The following MSH4 variants were observed in gnomAD, a reference collection of about 807,000 sequenced individuals.
The protein encoded by MSH4 is mutS protein homolog 4.
In MSH4, 106 loss-of-function variants were observed where a neutral mutation model predicts 113.7. That is an observed-to-expected ratio of 0.93 (90% CI 0.80 to 1.10). The LOEUF is 1.10. Among genes scored for constraint, MSH4 ranks in the 50% least tolerant of loss-of-function variants. MSH4 has a pLI of 0.00. For missense variants in MSH4, 1,061 were observed against 1,093.7 expected (o/e 0.97, Z 0.42); for synonymous variants, 368 against 380.2 (o/e 0.97, Z 0.37).
intron 10 of MSH4, among the ~76,000 whole-genome samples, chr1:75,877,404 A>G (rs1360947663): frequency 6.6e-6 from 1 of 152,178 alleles, no homozygotes; most frequent in African/African-American, 2.4e-5. Context: ...TAATTTTAAC[A>G]GTATTAAATT....
intron 17 of MSH4, among the ~76,000 whole-genome samples, chr1:75,892,910 A>G (rs1253886371): frequency 3.9e-5 from 6 of 152,170 alleles, no homozygotes; most frequent in Admixed American, 3.9e-4. Flanking sequence ...ATGGGAAAAA[A>G]GCCTCTTTAT....
At chr1:75,879,962 C>T (rs2100571493) in intron 12 of MSH4, 88 bp from the exon 13 acceptor site, 1 of 679,078 alleles carries the variant, frequency 1.5e-6, no homozygotes, top group Non-Finnish European at 2.6e-6. Context: ...AATGATTAAC[C>T]TAAATACCCA....
Position 75,899,681 on chromosome 1 carries a change from C to T in MSH4, c.2594C>T (p.Thr865Ile), listed in dbSNP as rs1652467058. The change falls in exon 19 of 20, where the codon ACA becomes ATA. Residue 865 changes from threonine (T) to isoleucine (I), a missense_variant. By Grantham distance (89) the Thr-to-Ile change is moderately conservative. Coordinates refer to ENST00000263187, the MANE Select transcript of MSH4 (RefSeq NM_002440.4). The stretch of plus-strand genomic sequence containing the variant: ...ATTGTCTTGGATGCCAAGGAAATCA[C>T]AACTCAAATTACGAGACAAATTTTG... ...PSIVLDAKEITTQITRQILQN... is the reference protein window; with the variant it reads ...PSIVLDAKEIITQITRQILQN... 1 of 1,504,424 alleles carries T rather than the reference C, an allele frequency of 6.6e-7. No homozygotes were observed. The highest frequency in any genetic ancestry group is 8.8e-7 in the Non-Finnish European group (1 of 1,134,134). The allele number at this position is 1,504,424 out of a possible 1,614,324, so 93.2% of individuals were successfully genotyped here. A position where few individuals can be genotyped will look rare whatever the true frequency, so the allele number is the denominator to read the frequency against.
chr1:75,858,972 T>G (rs1651386483), intron 8 of MSH4, among the ~76,000 whole-genome samples: 1 of 152,202 alleles, frequency 6.6e-6, no homozygotes, highest in Non-Finnish European at 1.5e-5. Flanking sequence ...GAGATTTACC[T>G]TCTTCCTGGT....
At chr1:75,868,204 G>A (rs1311818614) in intron 9 of MSH4, among the ~76,000 whole-genome samples, 1 of 152,014 alleles carries the variant, frequency 6.6e-6, no homozygotes, top group Admixed American at 6.6e-5. Flanking sequence ...CCTTTTTAGT[G>A]CATCACATCA....
intron 13 of MSH4, 138 bp from the exon 14 acceptor site, chr1:75,881,108 A>G (rs1210029239): frequency 5.0e-6 from 3 of 595,092 alleles, no homozygotes; most frequent in Middle Eastern, 4.7e-4. Context: ...CAGATGAACA[A>G]TAGGCTTTAT....
chr1:75,819,305 C>T (rs951410842), intron 6 of MSH4, among the ~76,000 whole-genome samples: 1 of 152,056 alleles, frequency 6.6e-6, no homozygotes, highest in African/African-American at 2.4e-5. Context: ...CCAGCCTGGT[C>T]GCCATGGTGA....
Position 75,810,677 on chromosome 1 carries a change from G to T in MSH4, c.589-20G>T. 2 of 1,130,602 alleles carry T rather than the reference G, an allele frequency of 1.8e-6. No homozygotes were observed. The highest frequency in any genetic ancestry group is 1.6e-5 in the African/African-American group (1 of 61,782). The allele number at this position is 1,130,602 out of a possible 1,614,324, so 70.0% of individuals were successfully genotyped here. A position where few individuals can be genotyped will look rare whatever the true frequency, so the allele number is the denominator to read the frequency against. ...TTTCCTAAGCTTTATTTAAGAAATT[G>T]TTTATTCAAATGATTTCAGGTGATC... On this transcript the variant is annotated intron_variant, in intron 3 of 19. Transcript: ENST00000263187.
At chr1:75,843,781 G>A (rs1299813211) in intron 7 of MSH4, among the ~76,000 whole-genome samples, 6 of 151,896 alleles carry the variant, frequency 4.0e-5, no homozygotes, top group Non-Finnish European at 7.4e-5. Context: ...TGAACAGGTA[G>A]CAGGTAAAAT....
rs1650622449 is a variant in MSH4 at position 75,829,056 on chromosome 1, A to G, written c.1162+6475A>G. 3.9e-5 allele frequency among the ~76,000 whole-genome samples: 6 copies of G among 152,206 alleles called. No homozygotes were observed. In the South Asian group the frequency reaches 1.2e-3, roughly 32 times the overall value. On this transcript the variant is annotated intron_variant, in intron 7 of 19. Transcript: ENST00000263187. ...CCAGCAAAGGGAAGCCATGACAGAC[A>G]GTACCTGGAAAATTGGGACACTCCC... is the stretch of plus-strand genomic sequence containing the variant.
intron 7 of MSH4, among the ~76,000 whole-genome samples, chr1:75,847,549 G>A (rs1046580667): frequency 4.6e-5 from 7 of 152,146 alleles, no homozygotes; most frequent in Non-Finnish European, 8.8e-5. Context: ...GAATACCTGA[G>A]GCTGGGTAAT....
chr1:75,798,283 C>T (rs1649862686), intron 1 of MSH4, among the ~76,000 whole-genome samples: 1 of 152,060 alleles, frequency 6.6e-6, no homozygotes, highest in Admixed American at 6.5e-5. Context: ...CTTGACTGGT[C>T]TTCTCTTAAA....
At chr1:75,857,476 G>A (rs914326995) in intron 8 of MSH4, among the ~76,000 whole-genome samples, 12 of 152,118 alleles carry the variant, frequency 7.9e-5, no homozygotes, top group African/African-American at 2.4e-4. Context: ...AAGGTGTAAC[G>A]AAGGGGTCTA....
At chr1:75,883,568 C>A (rs975415437) in intron 14 of MSH4, 53 bp from the exon 15 acceptor site, 1 of 1,427,892 alleles carries the variant, frequency 7.0e-7, no homozygotes, top group Non-Finnish European at 9.6e-7. Context: ...ACTACAAAAT[C>A]TTTAGACACA....
chr1:75,829,172 G>A (rs1168917055), intron 7 of MSH4, among the ~76,000 whole-genome samples: 1 of 152,198 alleles, frequency 6.6e-6, no homozygotes, highest in Non-Finnish European at 1.5e-5. Context: ...CACGTCCATG[G>A]AGCCTCGCTC....
intron 2 of MSH4, 27 bp from the exon 3 acceptor site, chr1:75,806,954 A>G: frequency 6.5e-7 from 1 of 1,530,186 alleles, no homozygotes; most frequent in Non-Finnish European, 8.7e-7. Flanking sequence ...CAATGTTTAT[A>G]TCTTTTCTTT....
rs186762776 is a variant in MSH4, at chr1:75,838,915, G to T, written c.1163-9294G>T. Among the ~76,000 whole-genome samples the T allele has an allele frequency of 9.1e-3, 1,391 of 152,200 alleles. 10 individuals carry two copies. The highest frequency in any genetic ancestry group is 0.02 in the Middle Eastern group (6 of 294). On this transcript the variant is annotated intron_variant, in intron 7 of 19. Transcript: ENST00000263187. ...GCATCTTTAATACATGTTTCCTGTAGTATCTTGTTATGATGACACTTATTT... is the reference window on the plus strand; with the variant it reads ...GCATCTTTAATACATGTTTCCTGTATTATCTTGTTATGATGACACTTATTT...
chr1:75,832,820 G>A (rs780223946), intron 7 of MSH4, among the ~76,000 whole-genome samples: 2 of 152,062 alleles, frequency 1.3e-5, no homozygotes, highest in Non-Finnish European at 2.9e-5. Flanking sequence ...CACACCCACA[G>A]CCAATATCAT....
intron 8 of MSH4, 53 bp from the exon 9 acceptor site, chr1:75,867,461 G>T: frequency 1.0e-6 from 1 of 955,354 alleles, no homozygotes; most frequent in Non-Finnish European, 1.7e-6. Context: ...AAAACCCATT[G>T]TTCTATTAAA....
Sources: gnomAD v4.1 joint callset for allele counts (sites outside exome capture counted in the v4.1 genomes callset) on GRCh38, gnomAD v4.1.1 for gene constraint, MANE v1.5 for transcripts, NCBI Gene and HGNC (gene_info 2026-07-23, HGNC 2026-07-21) for gene names.